The following WDR62 variants were observed in gnomAD, a reference collection of about 807,000 sequenced individuals.
The protein encoded by WDR62 is WD repeat domain 62.
In WDR62, 112 loss-of-function variants were observed where a neutral mutation model predicts 160.6. That is an observed-to-expected ratio of 0.70 (90% CI 0.60 to 0.82). The LOEUF (loss-of-function observed/expected upper bound fraction) is 0.82. Ranked by LOEUF, WDR62 falls within the 40% of genes least tolerant of loss-of-function variation. The pLI is 0.00. For synonymous variants in WDR62, 792 were observed against 815.1 expected (o/e 0.97, Z 0.48); for missense variants, 1,819 against 1,983.8 (o/e 0.92, Z 1.58).
intron 9 of WDR62, among the ~76,000 whole-genome samples, chr19:36,078,709 G>T: frequency 6.6e-6 from 1 of 151,352 alleles, no homozygotes; most frequent in Non-Finnish European, 1.5e-5. Flanking sequence ...GGTGGCGGGC[G>T]CCTGTAATCC....
At chr19:36,105,680 C>T (rs1221778826), downstream of WDR62, among the ~76,000 whole-genome samples, 1 of 152,018 alleles carries the variant, frequency 6.6e-6, no homozygotes, top group African/African-American at 2.4e-5. Context: ...AACCCCATCT[C>T]TTTATTTCAT....
At chr19:36,070,153 TTATTTTTAC>T (rs1307112208) in intron 7 of WDR62, 11 of 138,598 alleles carry the variant, frequency 7.9e-5, no homozygotes, top group Admixed American at 4.7e-4. Flanking sequence ...TTATTTTTAT[TTATTTTTAC>T]TTTTTTTTTT....
rs778303396 is a variant in WDR62, at chr19:36,102,731, C to T, written c.3221-6C>T. On this transcript the variant is annotated splice_region_variant and splice_polypyrimidine_tract_variant and intron_variant, in intron 26 of 31. Coordinates refer to ENST00000401500, the MANE Select transcript of WDR62 (RefSeq NM_001083961.2). ...TTATGAGGGTCCCCTCGGGATCTTC[C>T]CCTAGAGCTCTTCCCCGCAGCTCTG... 1 of 1,613,424 alleles carries T rather than the reference C, an allele frequency of 6.2e-7. No individual in the cohort carries two copies. The highest frequency in any genetic ancestry group is 1.1e-5 in the South Asian group (1 of 91,074).
At chr19:36,072,525 T>C (rs1185576162) in intron 8 of WDR62, among the ~76,000 whole-genome samples, 1 of 152,054 alleles carries the variant, frequency 6.6e-6, no homozygotes, top group Non-Finnish European at 1.5e-5. Context: ...AGCACTAGGC[T>C]GTGGCTTTCT....
rs77031309 is a variant in WDR62 at position 36,099,790 on chromosome 19, G to A, written c.2739+173G>A. 0.035 allele frequency among the ~76,000 whole-genome samples: 5,402 copies of A among 152,348 alleles called. 146 individuals are homozygous for A. Among genetic ancestry groups the A allele is most frequent in the Non-Finnish European group, 0.056 (3,811 of 68,024 alleles). On this transcript the variant is annotated intron_variant, in intron 22 of 31. Coordinates refer to ENST00000401500, the MANE Select transcript of WDR62 (RefSeq NM_001083961.2). Reference sequence around the variant, plus strand: ...ACAGCAAGACTTCCCAAGGCAGACAGGGAGTCTTTGGAAAGTGGGTCACTT... The same window carrying A: ...ACAGCAAGACTTCCCAAGGCAGACAAGGAGTCTTTGGAAAGTGGGTCACTT...
chr19:36,091,380 A>T (rs928212919), intron 17 of WDR62, 22 bp from the exon 18 acceptor site: 1 of 1,517,670 alleles, frequency 6.6e-7, no homozygotes, highest in Admixed American at 1.7e-5. Flanking sequence ...AGGCAAGTGC[A>T]GCCTCTCTGC....
intron 11 of WDR62, 67 bp downstream of exon 11, chr19:36,083,308 G>A (rs1972013734): frequency 2.7e-6 from 4 of 1,494,678 alleles, no homozygotes; most frequent in Non-Finnish European, 3.6e-6. Context: ...AGGGCAGTGG[G>A]CAGAAGCCCT....
At chr19:36,095,986 A>G (rs1422721350) in intron 20 of WDR62, among the ~76,000 whole-genome samples, 2 of 152,228 alleles carry the variant, frequency 1.3e-5, no homozygotes, top group African/African-American at 2.4e-5. Flanking sequence ...TAATGAGGCT[A>G]TGGAGTGGAG....
chr19:36,095,448 G>C (rs1225573778), intron 20 of WDR62, among the ~76,000 whole-genome samples: 1 of 152,156 alleles, frequency 6.6e-6, no homozygotes, highest in African/African-American at 2.4e-5. Context: ...CACTTCTGAG[G>C]GCAGAGACTG....
chr19:36,066,516 C>T, intron 5 of WDR62, 89 bp downstream of exon 5: 2 of 1,433,126 alleles, frequency 1.4e-6, no homozygotes, highest in Admixed American at 3.9e-5. Flanking sequence ...TGAGAGGACG[C>T]AGTAAAGTGC....
At chr19:36,076,423 T>C (rs563509540) in intron 9 of WDR62, among the ~76,000 whole-genome samples, 2 of 152,136 alleles carry the variant, frequency 1.3e-5, no homozygotes, top group African/African-American at 4.8e-5. Flanking sequence ...CCGGGCATGG[T>C]GGCAGGCGCC....
chr19:36,102,006 CCT>C lies in WDR62; in HGVS notation c.3083-7_3083-6del, dbSNP rs1973378606. 1 of 1,614,006 alleles carries C rather than the reference CCT, an allele frequency of 6.2e-7. No homozygotes were observed. The highest frequency in any genetic ancestry group is 1.3e-5 in the African/African-American group (1 of 74,912). ...GCTCCTCTTGTCCCTCCCCTCCTTC[CCT>C]GTCAGGATGCGCAGGTCCCACAGAA... On this transcript the variant is annotated splice_polypyrimidine_tract_variant and splice_region_variant and intron_variant, in intron 25 of 31. Transcript: ENST00000401500.
rs113841432 is a variant in WDR62, at chr19:36,066,689, C to A, written c.561+262C>A. ...AACATCTCTGTGAGTCTGTTTCCTCCTCTGTTAGATGGATATAGTAGTACT... is the reference window on the plus strand; with the variant it reads ...AACATCTCTGTGAGTCTGTTTCCTCATCTGTTAGATGGATATAGTAGTACT... On this transcript the variant is annotated intron_variant, in intron 5 of 31. Transcript: ENST00000401500. 1.3e-3 allele frequency among the ~76,000 whole-genome samples: 201 copies of A among 152,284 alleles called. 1 individual carries two copies. Among genetic ancestry groups the A allele is most frequent in the African/African-American group, 4.7e-3 (197 of 41,560 alleles).
At chr19:36,110,088 G>T (rs183733473), downstream of WDR62, among the ~76,000 whole-genome samples, 1 of 151,634 alleles carries the variant, frequency 6.6e-6, no homozygotes, top group Non-Finnish European at 1.5e-5. Flanking sequence ...AGCTTGGATT[G>T]CTTCTTAGTC....
At chr19:36,078,070 A>T (rs1971677823) in intron 9 of WDR62, among the ~76,000 whole-genome samples, 1 of 152,102 alleles carries the variant, frequency 6.6e-6, no homozygotes, top group African/African-American at 2.4e-5. Context: ...CTCTGTTATC[A>T]GTTGACGGCC....
At chr19:36,067,624 A>AC (rs1200789650) in intron 6 of WDR62, among the ~76,000 whole-genome samples, 181 bp downstream of exon 6, 1 of 151,610 alleles carries the variant, frequency 6.6e-6, no homozygotes, top group Non-Finnish European at 1.5e-5. Context: ...CCTGCCAGGA[A>AC]CCCCCTGACC....
rs1323952069 is a variant in WDR62, at chr19:36,103,825, G to C, written c.3997G>C (p.Glu1333Gln). 6.2e-6 allele frequency: 10 copies of C among 1,606,876 alleles called. No individual in the cohort carries two copies. ...GAGCTTCCCAGCCCCTAGCCCTGTG[G>C]AAGAGAGCGCCCTGAGGCTCCACGG... is the stretch of plus-strand genomic sequence containing the variant. The part of the protein sequence containing the change: ...AVSFPAPSPV[E>Q]ESALRLHGSA... Residue 1333 changes from glutamate (E) to glutamine (Q), a missense_variant, in exon 30 of 32, where the codon GAA (glutamate) becomes CAA (glutamine). Physicochemically the swap from Glu to Gln is conservative, Grantham distance 29. This residue lies in a region of WDR62 where 770 missense variants were observed against 734.2 expected (regional missense o/e 1.05). Transcript: ENST00000401500.
intron 3 of WDR62, among the ~76,000 whole-genome samples, chr19:36,063,231 CAG>C (rs1262426028): frequency 1.3e-5 from 2 of 151,854 alleles, no homozygotes; most frequent in Non-Finnish European, 2.9e-5. Context: ...GCGTGAGCCA[CAG>C]CACCTGGCCA....
At position 36,099,502 on chromosome 19, in the gene WDR62, C is replaced by T. The variant is rs749258743; in HGVS notation, c.2624C>T (p.Thr875Ile). ...AERAGQEPLK[T>I]ILDAQDLDCY... ...CGGGCCGGCCAAGAGCCCCTCAAGACCATCCTGGATGCCCAGGACCTGGAT... is the reference window on the plus strand; with the variant it reads ...CGGGCCGGCCAAGAGCCCCTCAAGATCATCCTGGATGCCCAGGACCTGGAT... Residue 875 changes from threonine to isoleucine, a missense_variant, in exon 22 of 32, where the codon ACC becomes ATC. By Grantham distance (89) the Thr-to-Ile change is moderately conservative. Coordinates refer to ENST00000401500, the MANE Select transcript of WDR62 (RefSeq NM_001083961.2). 2 of 1,614,178 alleles carry T rather than the reference C, an allele frequency of 1.2e-6. No individual in the cohort carries two copies. The highest frequency in any genetic ancestry group is 4.5e-5 in the East Asian group (2 of 44,882).
Sources: gnomAD v4.1 joint callset for allele counts (sites outside exome capture counted in the v4.1 genomes callset) on GRCh38, gnomAD v4.1.1 for gene constraint, gnomAD v4.1.1 regional missense constraint, MANE v1.5 for transcripts, NCBI Gene and HGNC (gene_info 2026-07-23, HGNC 2026-07-21) for gene names.